Variants in UNC5A observed in about 807,000 individuals in gnomAD.
UNC5A encodes unc-5 netrin receptor A.
A neutral mutation model predicts 87.4 loss-of-function variants in UNC5A; 20 were observed. That is an observed-to-expected ratio of 0.23 (90% CI 0.16 to 0.33). The LOEUF is 0.33. Ranked by LOEUF, UNC5A falls within the 10% of genes least tolerant of loss-of-function variation. The pLI is 1.00. For missense variants in UNC5A, 844 were observed against 1,133.4 expected (o/e 0.74, Z 3.67); for synonymous variants, 438 against 482.3 (o/e 0.91, Z 1.20).
At chr5:176,853,122 A>G (rs961900234) in intron 1 of UNC5A, among the ~76,000 whole-genome samples, 1 of 152,204 alleles carries the variant, frequency 6.6e-6, no homozygotes, top group African/African-American at 2.4e-5. Context: ...TGCGGGCACG[A>G]CAAGTGCAAA....
chr5:176,839,456 T>A (rs1757219255), intron 1 of UNC5A, among the ~76,000 whole-genome samples: 1 of 152,206 alleles, frequency 6.6e-6, no homozygotes, highest in Non-Finnish European at 1.5e-5. Context: ...TCACGTTGGC[T>A]TCGTGGGGTG....
chr5:176,862,173 A>C (rs1757856821), intron 1 of UNC5A, among the ~76,000 whole-genome samples: 1 of 152,200 alleles, frequency 6.6e-6, no homozygotes, highest in African/African-American at 2.4e-5. Context: ...GGATGGGGCC[A>C]ACCAGGAAGC....
chr5:176,869,875 C>T lies in UNC5A; in HGVS notation c.722-495C>T, dbSNP rs749055434. On this transcript the variant is annotated intron_variant, in intron 5 of 14. Transcript: ENST00000329542. The surrounding 1 kb of genome is among the most constrained non-coding windows in gnomAD (Gnocchi z 9.1). ...CCACCAGCCTGCCCCCCCATGGCTC[C>T]ATCCCACCCACCCGCCACGCAGGGC... 1.6e-5 allele frequency: 9 copies of T among 576,996 alleles called. No individual in the cohort carries two copies. Among genetic ancestry groups the T allele is most frequent in the Non-Finnish European group, 2.2e-5 (7 of 322,352 alleles). 35.7% of individuals were successfully genotyped at this position (576,996 alleles called of 1,614,324 possible). A position where few individuals can be genotyped will look rare whatever the true frequency, so the allele number is the denominator to read the frequency against.
chr5:176,828,339 G>T (rs1756905114), intron 1 of UNC5A, among the ~76,000 whole-genome samples: 1 of 152,154 alleles, frequency 6.6e-6, no homozygotes, highest in Non-Finnish European at 1.5e-5. Flanking sequence ...GGCAGTGGGG[G>T]TGAGGGAGCC....
At position 176,862,880 on chromosome 5, in the gene UNC5A, G is replaced by C. The variant is rs149629964; in HGVS notation, c.292+35G>C. ...ATGGGGCGCCAGGCAGGGCCAATCC[G>C]GGGGAGGCGAGTTTCGGCCCCCCCA... On this transcript the variant is annotated intron_variant, in intron 2 of 14. Transcript: ENST00000329542. 6.7e-4 allele frequency: 1,071 copies of C among 1,608,062 alleles called. 10 individuals are homozygous for C. In the African/African-American group the frequency reaches 0.012, roughly 18 times the overall value.
chr5:176,828,359 A>ATGT (rs965212395), intron 1 of UNC5A, among the ~76,000 whole-genome samples: 3 of 151,920 alleles, frequency 2.0e-5, no homozygotes, highest in African/African-American at 7.3e-5. Context: ...CCCGAGTGTG[A>ATGT]TGTCACTCAT....
chr5:176,870,318 G>A, intron 5 of UNC5A, 52 bp from the exon 6 acceptor site: 1 of 1,584,022 alleles, frequency 6.3e-7, no homozygotes, highest in South Asian at 1.1e-5. Context: ...GACTGCCGGG[G>A]TGGGCTCCCA....
intron 2 of UNC5A, among the ~76,000 whole-genome samples, chr5:176,867,704 C>A (rs1561664424): frequency 6.6e-6 from 1 of 152,204 alleles, no homozygotes; most frequent in Non-Finnish European, 1.5e-5. Context: ...GGGCCAGATC[C>A]TTCCTCACCT....
Position 176,838,074 on chromosome 5 carries a change from A to C in UNC5A, c.71-24550A>C, listed in dbSNP as rs1156841526. On this transcript the variant is annotated intron_variant, in intron 1 of 14. Coordinates refer to ENST00000329542, the MANE Select transcript of UNC5A (RefSeq NM_133369.3). The surrounding 1 kb of genome is among the most constrained non-coding windows in gnomAD (Gnocchi z 4.2). The stretch of plus-strand genomic sequence containing the variant: ...GGAGCCTCCATTCTTTGTGGTGGGG[A>C]CTCCCACCCCATAGGCTTCCGTTGA... Among the ~76,000 whole-genome samples the C allele has an allele frequency of 6.6e-6, 1 of 151,656 alleles. No homozygotes were observed. Among genetic ancestry groups the C allele is most frequent in the African/African-American group, 2.4e-5 (1 of 41,194 alleles).
rs547966789 is a variant in UNC5A at position 176,879,142 on chromosome 5, C to T, written c.2185-168C>T. ...GGCTTTGGGCAGGTCGCTGCACCTC[C>T]GAGCCCCAGTAAGAAGGGCCTTGGC... On this transcript the variant is annotated intron_variant, in intron 13 of 14. Coordinates refer to ENST00000329542, the MANE Select transcript of UNC5A (RefSeq NM_133369.3). Among the ~76,000 whole-genome samples, 11 of 152,208 alleles carry T rather than the reference C, an allele frequency of 7.2e-5. No homozygotes were observed. In the South Asian group the frequency reaches 1.5e-3, roughly 20 times the overall value.
At chr5:176,811,014 GT>G (rs1003374438) in intron 1 of UNC5A, among the ~76,000 whole-genome samples, 194 bp downstream of exon 1, 1 of 152,068 alleles carries the variant, frequency 6.6e-6, no homozygotes, top group Non-Finnish European at 1.5e-5. Context: ...GGAAGCCTGG[GT>G]TCTGCCAAGT....
At chr5:176,879,154 A>G (rs1482769854) in intron 13 of UNC5A, among the ~76,000 whole-genome samples, 156 bp from the exon 14 acceptor site, 1 of 152,108 alleles carries the variant, frequency 6.6e-6, no homozygotes, top group African/African-American at 2.4e-5. Flanking sequence ...AGCCCCAGTA[A>G]GAAGGGCCTT....
intron 1 of UNC5A, among the ~76,000 whole-genome samples, chr5:176,816,478 G>A (rs1406591208): frequency 6.6e-6 from 1 of 152,250 alleles, no homozygotes; most frequent in African/African-American, 2.4e-5. Context: ...TCAGACCCCA[G>A]GGGCCCAGAA....
chr5:176,850,687 G>A (rs1231544089), intron 1 of UNC5A, among the ~76,000 whole-genome samples: 1 of 152,166 alleles, frequency 6.6e-6, no homozygotes, highest in Non-Finnish European at 1.5e-5. Context: ...CTCTGCTGTC[G>A]CCCTGGGCTG....
At chr5:176,814,371 G>A (rs1434398888) in intron 1 of UNC5A, among the ~76,000 whole-genome samples, 1 of 152,174 alleles carries the variant, frequency 6.6e-6, no homozygotes, top group Non-Finnish European at 1.5e-5. Context: ...TCTGACTGCT[G>A]GTGGGGTGGG....
At chr5:176,858,920 G>C (rs73341803) in intron 1 of UNC5A, among the ~76,000 whole-genome samples, 2,862 of 152,198 alleles carry the variant, frequency 0.019, 46 homozygotes, top group South Asian at 0.046. Context: ...GACACCGAGG[G>C]GGGGACAGAC....
At chr5:176,811,404 A>G (rs1460383862) in intron 1 of UNC5A, among the ~76,000 whole-genome samples, 2 of 152,078 alleles carry the variant, frequency 1.3e-5, no homozygotes, top group African/African-American at 4.8e-5. Flanking sequence ...CCTTGCAGCC[A>G]GCACAGTCAA....
chr5:176,862,880 G>T, intron 2 of UNC5A, 35 bp downstream of exon 2: 2 of 1,608,062 alleles, frequency 1.2e-6, no homozygotes, highest in Admixed American at 1.7e-5. Context: ...GGGCCAATCC[G>T]GGGGAGGCGA....
At chr5:176,822,266 G>A (rs1486493590) in intron 1 of UNC5A, among the ~76,000 whole-genome samples, 1 of 152,240 alleles carries the variant, frequency 6.6e-6, no homozygotes. Context: ...TCTGTGACAC[G>A]CCCTGGAAGT....
Sources: allele counts gnomAD v4.1 joint callset (sites outside exome capture counted in the v4.1 genomes callset), GRCh38; gene constraint gnomAD v4.1.1; non-coding constraint Gnocchi (gnomAD v3.1); transcripts MANE v1.5; gene names NCBI Gene and HGNC (gene_info 2026-07-23, HGNC 2026-07-21).